Variants in KLHL15 observed in about 807,000 individuals in gnomAD.
KLHL15 encodes the protein kelch like family member 15, also known as kelch-like protein 15.
In KLHL15, 1 loss-of-function variant was observed where a neutral mutation model predicts 29.3. The ratio of observed to expected loss-of-function variants is 0.03; its 90% CI spans 0.01 to 0.16. KLHL15 has a LOEUF of 0.16. Ranked by LOEUF, KLHL15 falls within the 10% of genes least tolerant of loss-of-function variation. The pLI is 1.00. For missense variants in KLHL15, 215 were observed against 478.5 expected, an observed-to-expected ratio of 0.45 and a Z score of 5.14; for synonymous variants, 212 against 184.5, an observed-to-expected ratio of 1.15 and a Z score of -1.21.
intron 2 of KLHL15, among the ~76,000 whole-genome samples, chrX:24,021,026 T>G (rs1276838404): frequency 1.8e-5 from 2 of 111,973 alleles, no homozygotes; most frequent in Non-Finnish European, 3.8e-5. Flanking sequence ...TGATGAGCTT[T>G]AAGGGTCTTA....
At chrX:24,015,174 A>G (rs776739199) in intron 2 of KLHL15, among the ~76,000 whole-genome samples, 1 of 112,206 alleles carries the variant, frequency 8.9e-6, no homozygotes, top group Admixed American at 9.5e-5. Context: ...TAGAACAGAA[A>G]TATCTGTAAG....
intron 3 of KLHL15, 106 bp downstream of exon 3, chrX:24,005,883 T>G: frequency 1.8e-6 from 1 of 559,222 alleles, no homozygotes; most frequent in Non-Finnish European, 2.9e-6. Flanking sequence ...AATAACAAAA[T>G]GAAGTTATTC....
At chrX:23,992,280 G>A in intron 3 of KLHL15, among the ~76,000 whole-genome samples, 1 of 112,259 alleles carries the variant, frequency 8.9e-6, no homozygotes, top group African/African-American at 3.2e-5. Context: ...TACGTGAAAA[G>A]GATTTAGTAT....
At chrX:24,019,662 C>G (rs1444722601) in intron 2 of KLHL15, among the ~76,000 whole-genome samples, 1 of 111,367 alleles carries the variant, frequency 9.0e-6, no homozygotes, top group Non-Finnish European at 1.9e-5. Context: ...CACACACACA[C>G]ACACGTGCAC....
chrX:24,008,100 CAAT>C (rs1218058234), intron 2 of KLHL15, among the ~76,000 whole-genome samples: 2 of 111,443 alleles, frequency 1.8e-5, no homozygotes, highest in Admixed American at 9.6e-5. Flanking sequence ...CTTTGAAAAA[CAAT>C]AATGATGTAA....
chrX:23,995,684 C>T (rs1431341236), intron 3 of KLHL15, among the ~76,000 whole-genome samples: 1 of 110,867 alleles, frequency 9.0e-6, no homozygotes, highest in African/African-American at 3.3e-5. Context: ...CTCAGCCTTC[C>T]GAAGTACTGG....
chrX:24,016,666 CA>C (rs200783185), intron 2 of KLHL15, among the ~76,000 whole-genome samples: 2 of 105,972 alleles, frequency 1.9e-5, no homozygotes, highest in Non-Finnish European at 3.9e-5. Flanking sequence ...GATCATGTCT[CA>C]AAAAAAAAAT....
At position 24,025,023 on chromosome X, in the gene KLHL15, CGA is replaced by C. The variant is rs1447862314; in HGVS notation, c.-176_-175del. The C allele has an allele frequency of 3.4e-6, 1 of 296,785 alleles. No individual in the cohort carries two copies. Among genetic ancestry groups the C allele is most frequent in the Non-Finnish European group, 5.9e-6 (1 of 169,799 alleles). 24.5% of individuals were successfully genotyped at this position (296,785 alleles called of 1,213,427 possible). A position where few individuals can be genotyped will look rare whatever the true frequency, so the allele number is the denominator to read the frequency against. On this transcript the variant is annotated 5_prime_UTR_variant, in exon 2 of 4. Transcript: ENST00000328046. The stretch of plus-strand genomic sequence containing the variant: ...CGAGCCGGGTCGCTCCGGCGGGGCA[CGA>C]GAGTGCTCGCCTGCAGCCCCCTCTG...
chrX:23,993,849 C>T (rs1409396575), intron 3 of KLHL15, among the ~76,000 whole-genome samples: 1 of 108,040 alleles, frequency 9.3e-6, no homozygotes, highest in African/African-American at 3.4e-5. Flanking sequence ...GGCAACATGG[C>T]GAAATCCCGT....
intron 3 of KLHL15, among the ~76,000 whole-genome samples, chrX:23,999,340 A>C (rs1203457237): frequency 9.1e-6 from 1 of 109,546 alleles, no homozygotes; most frequent in African/African-American, 3.3e-5. Context: ...TCATGCCTGT[A>C]ATCCCAGCAC....
rs1215457589 is a variant in KLHL15 at position 23,987,885 on chromosome X, CTTTG to C, written c.*32_*35del. 20 of 1,132,778 alleles carry C rather than the reference CTTTG, an allele frequency of 1.8e-5. No individual in the cohort carries two copies. The highest frequency in any genetic ancestry group is 2.7e-5 in the Admixed American group (1 of 36,960). 93.4% of individuals were successfully genotyped at this position (1,132,778 alleles called of 1,213,427 possible). On this transcript the variant is annotated 3_prime_UTR_variant, in exon 4 of 4. Transcript: ENST00000328046. Reference sequence around the variant, plus strand: ...ATTAATTACTCTGTGCAAACAAATACTTTGTTTGCCTCTTTTTTTAGGGAGGAGG... The same window carrying C: ...ATTAATTACTCTGTGCAAACAAATACTTTGCCTCTTTTTTTAGGGAGGAGG...
At chrX:24,023,475 C>G (rs1569271299) in intron 2 of KLHL15, among the ~76,000 whole-genome samples, 1 of 112,145 alleles carries the variant, frequency 8.9e-6, no homozygotes. Flanking sequence ...AATAAAACAT[C>G]TAACTACTCA....
At chrX:23,996,408 G>A (rs1569265645) in intron 3 of KLHL15, among the ~76,000 whole-genome samples, 1 of 112,271 alleles carries the variant, frequency 8.9e-6, no homozygotes, top group East Asian at 2.8e-4. Flanking sequence ...GCTCACGCCT[G>A]TAATCCCAAC....
At chrX:23,992,762 G>A (rs933998319) in intron 3 of KLHL15, among the ~76,000 whole-genome samples, 21 of 112,096 alleles carry the variant, frequency 1.9e-4, no homozygotes, top group African/African-American at 6.8e-4. Flanking sequence ...AATCTGATGC[G>A]CTGCACAGAG....
chrX:23,991,974 C>T (rs1267515306), intron 3 of KLHL15, among the ~76,000 whole-genome samples: 1 of 112,272 alleles, frequency 8.9e-6, no homozygotes, highest in Non-Finnish European at 1.9e-5. Context: ...GTTGTAGGAG[C>T]TGAAGGGCAA....
intron 2 of KLHL15, among the ~76,000 whole-genome samples, chrX:24,022,407 G>A (rs947682104): frequency 8.7e-5 from 4 of 46,235 alleles, no homozygotes; most frequent in Non-Finnish European, 1.3e-4. Flanking sequence ...GCCAAGGCGG[G>A]TAGATCACTT....
intron 3 of KLHL15, among the ~76,000 whole-genome samples, chrX:23,992,688 G>A (rs1929108701): frequency 8.9e-6 from 1 of 112,241 alleles, no homozygotes; most frequent in African/African-American, 3.2e-5. Context: ...GCTCTCAAAA[G>A]CATAACGCTG....
intron 3 of KLHL15, among the ~76,000 whole-genome samples, chrX:23,994,272 CCAGT>C (rs1264690522): frequency 9.0e-6 from 1 of 111,334 alleles, no homozygotes; most frequent in African/African-American, 3.3e-5. Context: ...CTTTTCAGGA[CCAGT>C]AAGTGGAAGT....
intron 2 of KLHL15, among the ~76,000 whole-genome samples, chrX:24,007,508 A>AAAT (rs1307669839): frequency 1.9e-4 from 7 of 35,936 alleles, no homozygotes; most frequent in African/African-American, 8.9e-4. Flanking sequence ...AAAAAAAAAA[A>AAAT]ATATATATAT....
Sources: gnomAD v4.1 joint callset for allele counts (sites outside exome capture counted in the v4.1 genomes callset) on GRCh38, gnomAD v4.1.1 for gene constraint, MANE v1.5 for transcripts, NCBI Gene and HGNC (gene_info 2026-07-23, HGNC 2026-07-21) for gene names.